The following PPFIBP2 variants were observed in gnomAD, a reference collection of about 807,000 sequenced individuals.
The protein encoded by PPFIBP2 is PPFIB scaffold protein 2.
Under a neutral mutation model 118.3 loss-of-function variants are expected in PPFIBP2, and 118 were observed. That is an observed-to-expected ratio of 1.00 (90% CI 0.86 to 1.16). The LOEUF (loss-of-function observed/expected upper bound fraction) is 1.16, where lower values mean the gene tolerates loss of function less well. Ranked by LOEUF, PPFIBP2 falls within the 50% of genes most tolerant of loss-of-function variation. The pLI is 0.00. For missense variants in PPFIBP2, 1,195 were observed against 1,073.1 expected (o/e 1.11, Z -1.59); for synonymous variants, 414 against 397.4 (o/e 1.04, Z -0.50).
At chr11:7,639,477 G>C (rs1206447466) in intron 14 of PPFIBP2, among the ~76,000 whole-genome samples, 1 of 152,174 alleles carries the variant, frequency 6.6e-6, no homozygotes, top group African/African-American at 2.4e-5. Context: ...CTTCCTGTTA[G>C]AGTCAGTTTC....
chr11:7,610,451 T>G, intron 6 of PPFIBP2, 29 bp downstream of exon 6: 1 of 1,605,158 alleles, frequency 6.2e-7, no homozygotes, highest in Non-Finnish European at 8.5e-7. Flanking sequence ...TGTCCTAAGC[T>G]CAGACCTGGG....
At chr11:7,666,772 G>T in the PPFIBP2 span, 1 of 433,614 alleles carries the variant, frequency 2.3e-6, no homozygotes, top group Non-Finnish European at 4.2e-6. Context: ...ACCTCCATGG[G>T]ATGTAGGTTC....
chr11:7,537,396 A>T (rs906192486), intron 1 of PPFIBP2, among the ~76,000 whole-genome samples: 3 of 152,230 alleles, frequency 2.0e-5, no homozygotes, highest in Non-Finnish European at 4.4e-5. Flanking sequence ...GAACTCCCAG[A>T]GCAGGTGGTT....
At chr11:7,519,419 C>A (rs1379383602) in intron 1 of PPFIBP2, among the ~76,000 whole-genome samples, 1 of 152,104 alleles carries the variant, frequency 6.6e-6, no homozygotes, top group South Asian at 2.1e-4. Context: ...CCTATTTCTT[C>A]GGTCGTTGGC....
At chr11:7,617,420 G>A (rs1436217852) in intron 6 of PPFIBP2, 3 of 533,984 alleles carry the variant, frequency 5.6e-6, no homozygotes, top group Non-Finnish European at 7.2e-6. Context: ...TTACCTCTGG[G>A]CAGAGCTTGG....
At chr11:7,551,469 T>C (rs769366767) in intron 2 of PPFIBP2, among the ~76,000 whole-genome samples, 10 of 148,246 alleles carry the variant, frequency 6.7e-5, no homozygotes, top group Non-Finnish European at 2.9e-5. Flanking sequence ...GTTTCATGGA[T>C]TTATTTTTTC....
chr11:7,659,926 C>G (rs1359420686), downstream of PPFIBP2, among the ~76,000 whole-genome samples: 7 of 123,802 alleles, frequency 5.7e-5, no homozygotes, highest in African/African-American at 1.3e-4. Context: ...AATGGGAATT[C>G]ACTCATGATT....
At chr11:7,550,284 C>T (rs984086063) in intron 2 of PPFIBP2, among the ~76,000 whole-genome samples, 4 of 152,226 alleles carry the variant, frequency 2.6e-5, no homozygotes, top group African/African-American at 9.6e-5. Flanking sequence ...GGATGTGCTT[C>T]TTTGGAACTT....
At chr11:7,641,676 G>C in intron 16 of PPFIBP2, 56 bp downstream of exon 16, 1 of 1,554,604 alleles carries the variant, frequency 6.4e-7, no homozygotes, top group Non-Finnish European at 8.8e-7. Context: ...TTTTTGATTG[G>C]GCAAAGAGTC....
intron 3 of PPFIBP2, among the ~76,000 whole-genome samples, chr11:7,576,110 G>C (rs1365782776): frequency 6.6e-6 from 1 of 152,216 alleles, no homozygotes; most frequent in Non-Finnish European, 1.5e-5. Context: ...GCCATGCTGA[G>C]GGGCATGCGG....
Position 7,549,472 on chromosome 11 carries a change from A to G in PPFIBP2, c.-4A>G, listed in dbSNP as rs1852700275. ...AGGAGGAGGCCAGGCAGGCAAAAGG[A>G]GTCATGGCTTCTGATGCTAGTCATG... is the stretch of plus-strand genomic sequence containing the variant. On this transcript the variant is annotated 5_prime_UTR_variant, in exon 2 of 24. Transcript: ENST00000299492. 1.3e-6 allele frequency: 2 copies of G among 1,559,222 alleles called. No individual in the cohort carries two copies. The highest frequency in any genetic ancestry group is 1.7e-6 in the Non-Finnish European group (2 of 1,151,144).
chr11:7,644,754 G>A (rs1362094414), intron 17 of PPFIBP2, among the ~76,000 whole-genome samples: 2 of 152,064 alleles, frequency 1.3e-5, no homozygotes, highest in Non-Finnish European at 2.9e-5. Flanking sequence ...TAGGCCGGGC[G>A]CGGTGGCTCA....
At position 7,648,485 on chromosome 11, in the gene PPFIBP2, G is replaced by T. The variant is rs1004371387; in HGVS notation, c.1745G>T (p.Trp582Leu). The T allele has an allele frequency of 1.9e-6, 3 of 1,613,942 alleles. No individual in the cohort carries two copies. The African/African-American group carries it at 4.0e-5, about 22-fold the overall frequency. The change falls in exon 18 of 24, where the codon TGG (tryptophan) becomes TTG (leucine). Residue 582 changes from tryptophan (W) to leucine (L), a missense_variant. Trp to Leu is a moderately conservative substitution (Grantham distance 61). Coordinates refer to ENST00000299492, the MANE Select transcript of PPFIBP2 (RefSeq NM_003621.5). ...LAQYVIFARQ[W>L]VSSGHTLLTA... ...CAGTATGTGATCTTTGCCAGGCAGT[G>T]GGTATCTTCTGGCCACACCTTATTG...
rs1048341034 is a variant in PPFIBP2, at chr11:7,616,364, G to A, written c.619-4571G>A. ...TTTTCAAAATGGCAAAAGTTTGATAGATTCAGTAAATTTTAGTCTGTTGAG... is the reference window on the plus strand; with the variant it reads ...TTTTCAAAATGGCAAAAGTTTGATAAATTCAGTAAATTTTAGTCTGTTGAG... On this transcript the variant is annotated intron_variant, in intron 6 of 23. Coordinates refer to ENST00000299492, the MANE Select transcript of PPFIBP2 (RefSeq NM_003621.5). This position sits in a 1 kb window ranked among gnomAD's most constrained non-coding sequence, Gnocchi z 5.2. 9.2e-5 allele frequency among the ~76,000 whole-genome samples: 14 copies of A among 152,192 alleles called. No homozygotes were observed. The highest frequency in any genetic ancestry group is 3.4e-4 in the African/African-American group (14 of 41,436).
intron 7 of PPFIBP2, among the ~76,000 whole-genome samples, chr11:7,622,517 C>A (rs555741941): frequency 6.6e-6 from 1 of 152,312 alleles, no homozygotes; most frequent in South Asian, 2.1e-4. Context: ...TATGACTTCT[C>A]ATGTTATCAA....
chr11:7,629,114 T>G (rs1426973689), intron 9 of PPFIBP2, among the ~76,000 whole-genome samples: 1 of 152,228 alleles, frequency 6.6e-6, no homozygotes, highest in Non-Finnish European at 1.5e-5. Context: ...TTTAGTCTTT[T>G]TTTGTGTCGC....
chr11:7,646,563 G>A (rs1853098223), intron 17 of PPFIBP2, among the ~76,000 whole-genome samples: 1 of 152,136 alleles, frequency 6.6e-6, no homozygotes, highest in Non-Finnish European at 1.5e-5. Flanking sequence ...AAATACAAGA[G>A]TAAAGAAGTA....
chr11:7,653,925 C>A (rs77062031), downstream of PPFIBP2, among the ~76,000 whole-genome samples: 5 of 152,114 alleles, frequency 3.3e-5, no homozygotes, highest in African/African-American at 1.2e-4. Context: ...GGGACCCCCT[C>A]CCATAGCCTT....
chr11:7,666,675 A>G, the PPFIBP2 span: 2 of 606,580 alleles, frequency 3.3e-6, no homozygotes, highest in African/African-American at 1.9e-5. Context: ...CTCGCTGCCA[A>G]CTCCCACGGC....
Sources: gnomAD v4.1 joint callset for allele counts (sites outside exome capture counted in the v4.1 genomes callset) on GRCh38, gnomAD v4.1.1 for gene constraint, Gnocchi (gnomAD v3.1) non-coding constraint, MANE v1.5 for transcripts, NCBI Gene and HGNC (gene_info 2026-07-23, HGNC 2026-07-21) for gene names.